The following PITPNB variants were observed in gnomAD, a reference collection of about 807,000 sequenced individuals.
The protein encoded by PITPNB is phosphatidylinositol transfer protein beta, also known as phosphatidylinositol transfer protein beta isoform.
Under a neutral mutation model 45.9 loss-of-function variants are expected in PITPNB, and 16 were observed. The ratio of observed to expected loss-of-function variants is 0.35; its 90% CI spans 0.24 to 0.53. PITPNB has a LOEUF of 0.53. Ranked by LOEUF, PITPNB falls within the 20% of genes least tolerant of loss-of-function variation. The pLI is 0.93. For synonymous variants in PITPNB, 112 were observed against 108.9 expected, an observed-to-expected ratio of 1.03 and a Z score of -0.18; for missense variants, 188 against 330.5, an observed-to-expected ratio of 0.57 and a Z score of 3.34.
Position 27,853,556 on chromosome 22 carries a change from A to C in PITPNB, c.*146T>G. 3.8e-6 allele frequency: 5 copies of C among 1,327,836 alleles called. No homozygotes were observed. The highest frequency in any genetic ancestry group is 5.3e-6 in the Non-Finnish European group (5 of 943,454). The allele number at this position is 1,327,836 out of a possible 1,614,324, so 82.3% of individuals were successfully genotyped here. On this transcript the variant is annotated 3_prime_UTR_variant, in exon 12 of 12. Coordinates refer to ENST00000335272, the MANE Select transcript of PITPNB (RefSeq NM_012399.5). Reference sequence around the variant, plus strand: ...GAGAACCTGTGCATGTGTGTGTATCATCACAAGCACACATCTGGGAAACGT... The same window carrying C: ...GAGAACCTGTGCATGTGTGTGTATCCTCACAAGCACACATCTGGGAAACGT...
chr22:27,894,807 T>C (rs1935388140), intron 6 of PITPNB, among the ~76,000 whole-genome samples, 169 bp from the exon 7 acceptor site: 1 of 152,188 alleles, frequency 6.6e-6, no homozygotes, highest in Admixed American at 6.5e-5. Flanking sequence ...TCTAAAAGTC[T>C]TTTATTACCA....
At chr22:27,854,264 AATTTGT>A (rs1934110339) in intron 11 of PITPNB, among the ~76,000 whole-genome samples, 2 of 152,002 alleles carry the variant, frequency 1.3e-5, no homozygotes, top group African/African-American at 4.8e-5. Flanking sequence ...TCTCTGGGAA[AATTTGT>A]TATATGGGCA....
intron 8 of PITPNB, among the ~76,000 whole-genome samples, chr22:27,862,891 C>T (rs1260071037): frequency 6.6e-6 from 1 of 152,202 alleles, no homozygotes; most frequent in Non-Finnish European, 1.5e-5. Flanking sequence ...TTACATACTA[C>T]TCCCCTTGCT....
At chr22:27,919,013 C>A (rs1936186797) in intron 1 of PITPNB, 159 bp downstream of exon 1, 3 of 1,041,618 alleles carry the variant, frequency 2.9e-6, no homozygotes, top group South Asian at 2.6e-5. Context: ...GGCGCACTCG[C>A]TGAGGGGCTT....
chr22:27,896,497 A>G (rs1935436947), intron 6 of PITPNB, 55 bp downstream of exon 6: 3 of 1,130,420 alleles, frequency 2.7e-6, no homozygotes, highest in South Asian at 1.2e-5. Context: ...TGAACTACAT[A>G]TAGAATTCTC....
chr22:27,855,973 G>A (rs1934161090), intron 10 of PITPNB, among the ~76,000 whole-genome samples: 2 of 152,152 alleles, frequency 1.3e-5, no homozygotes, highest in African/African-American at 4.8e-5. Context: ...TGGCCTGCAG[G>A]CTTGATGCTG....
chr22:27,872,360 C>T (rs965907001), intron 8 of PITPNB, among the ~76,000 whole-genome samples: 37 of 151,786 alleles, frequency 2.4e-4, no homozygotes, highest in African/African-American at 7.5e-4. Flanking sequence ...TCCCAAAGTA[C>T]TGGGATTACA....
chr22:27,859,660 T>A (rs1482240706), intron 9 of PITPNB, among the ~76,000 whole-genome samples: 3 of 152,226 alleles, frequency 2.0e-5, no homozygotes, highest in Non-Finnish European at 4.4e-5. Context: ...AGTGTGCCCA[T>A]TTTTCAGTAA....
intron 3 of PITPNB, among the ~76,000 whole-genome samples, chr22:27,899,036 C>A (rs1244039724): frequency 6.6e-6 from 1 of 152,212 alleles, no homozygotes; most frequent in African/African-American, 2.4e-5. Context: ...CCAACATCAC[C>A]ATTTGGAAGC....
chr22:27,860,460 A>G (rs1934292610), intron 8 of PITPNB: 2 of 429,566 alleles, frequency 4.7e-6, no homozygotes, highest in South Asian at 3.5e-5. Flanking sequence ...TCCTAGCTCT[A>G]AAGTTTAATA....
rs1194043043 is a variant in PITPNB at position 27,898,790 on chromosome 22, T to C, written c.198-898A>G. Among the ~76,000 whole-genome samples, 10 of 152,314 alleles carry C rather than the reference T, an allele frequency of 6.6e-5. No homozygotes were observed. In the East Asian group the frequency reaches 1.5e-3, roughly 23 times the overall value. Reference sequence around the variant, plus strand: ...AGAAAGGTTCAATACATGATTAATATATGAGAAGCTTGTGCAAGCATATGA... The same window carrying C: ...AGAAAGGTTCAATACATGATTAATACATGAGAAGCTTGTGCAAGCATATGA... On this transcript the variant is annotated intron_variant, in intron 3 of 11. Coordinates refer to ENST00000335272, the MANE Select transcript of PITPNB (RefSeq NM_012399.5).
At chr22:27,859,851 T>G (rs1225058106) in intron 9 of PITPNB, among the ~76,000 whole-genome samples, 3 of 152,150 alleles carry the variant, frequency 2.0e-5, no homozygotes, top group African/African-American at 7.2e-5. Context: ...ACGTGCTGTA[T>G]GGGGAAAGGG....
At chr22:27,873,513 T>C (rs1375430817) in intron 8 of PITPNB, among the ~76,000 whole-genome samples, 2 of 152,262 alleles carry the variant, frequency 1.3e-5, no homozygotes, top group African/African-American at 2.4e-5. Flanking sequence ...TAAGAGTTAT[T>C]GGAGCTGCAT....
intron 3 of PITPNB, among the ~76,000 whole-genome samples, chr22:27,902,181 G>A (rs902912459): frequency 1.3e-5 from 2 of 152,102 alleles, no homozygotes; most frequent in Admixed American, 6.6e-5. Context: ...GCCTCTCTGA[G>A]GAAATAATAT....
chr22:27,918,229 G>A (rs1328244383), intron 1 of PITPNB, among the ~76,000 whole-genome samples: 2 of 152,108 alleles, frequency 1.3e-5, no homozygotes, highest in Admixed American at 1.3e-4. Context: ...TTTAAAGGAG[G>A]TTTAAGAACA....
chr22:27,882,538 C>A (rs891198987), intron 7 of PITPNB, among the ~76,000 whole-genome samples: 1 of 152,356 alleles, frequency 6.6e-6, no homozygotes, highest in Admixed American at 6.5e-5. Flanking sequence ...TTTGACATCA[C>A]AATCCTTAAA....
At chr22:27,868,427 T>G (rs1292971136) in intron 8 of PITPNB, among the ~76,000 whole-genome samples, 1 of 152,206 alleles carries the variant, frequency 6.6e-6, no homozygotes, top group Non-Finnish European at 1.5e-5. Context: ...ACCAACATCT[T>G]TTCACAGACA....
chr22:27,900,458 T>C (rs986338361), intron 3 of PITPNB, among the ~76,000 whole-genome samples: 4 of 152,226 alleles, frequency 2.6e-5, no homozygotes, highest in African/African-American at 9.6e-5. Context: ...AAATGCCTAC[T>C]ATCTTATTTC....
chr22:27,874,594 A>C (rs1934764591), intron 7 of PITPNB, among the ~76,000 whole-genome samples: 2 of 152,210 alleles, frequency 1.3e-5, no homozygotes, highest in South Asian at 4.1e-4. Context: ...AAATCTTTTA[A>C]AATCTATCTG....
Sources: gnomAD v4.1 joint callset for allele counts (sites outside exome capture counted in the v4.1 genomes callset) on GRCh38, gnomAD v4.1.1 for gene constraint, MANE v1.5 for transcripts, NCBI Gene and HGNC (gene_info 2026-07-23, HGNC 2026-07-21) for gene names.